DYNC2LI1: variants seen among roughly 807,000 people sequenced by gnomAD.
DYNC2LI1 encodes the protein dynein cytoplasmic 2 light intermediate chain 1, also known as cytoplasmic dynein 2 light intermediate chain 1.
Under a neutral mutation model 51.9 loss-of-function variants are expected in DYNC2LI1, and 45 were observed. The observed-to-expected ratio is 0.87, with a 90% CI of 0.68 to 1.11. The LOEUF is 1.11. DYNC2LI1 is among the 50% of genes most tolerant of loss of function. The pLI, the probability that DYNC2LI1 is intolerant of heterozygous loss-of-function variation, is 0.00. For synonymous variants in DYNC2LI1, 130 were observed against 137.8 expected, an observed-to-expected ratio of 0.94 and a Z score of 0.40; for missense variants, 490 against 417.4, an observed-to-expected ratio of 1.17 and a Z score of -1.51.
chr2:43,792,463 T>C (rs576156992), intron 5 of DYNC2LI1, among the ~76,000 whole-genome samples: 22 of 152,338 alleles, frequency 1.4e-4, no homozygotes, highest in African/African-American at 2.4e-4. Context: ...TACATACTTA[T>C]TATAACCATT....
intron 11 of DYNC2LI1, among the ~76,000 whole-genome samples, 171 bp downstream of exon 11, chr2:43,804,910 A>AG (rs1666194642): frequency 6.6e-6 from 1 of 151,930 alleles, no homozygotes; most frequent in African/African-American, 2.4e-5. Context: ...AAAAAAAAAA[A>AG]AGGTAAGACA....
the DYNC2LI1 span, among the ~76,000 whole-genome samples, chr2:43,818,264 C>A: frequency 6.6e-6 from 1 of 151,984 alleles, no homozygotes; most frequent in Non-Finnish European, 1.5e-5. Context: ...GCCAACATGG[C>A]GAAACCCCAT....
chr2:43,813,527 A>T (rs1177020787), downstream of DYNC2LI1, among the ~76,000 whole-genome samples: 2 of 152,070 alleles, frequency 1.3e-5, no homozygotes, highest in African/African-American at 4.8e-5. Context: ...GTATAGATTC[A>T]TTACCATATT....
At chr2:43,813,300 T>G, downstream of DYNC2LI1, 1 of 1,612,226 alleles carries the variant, frequency 6.2e-7, no homozygotes, top group East Asian at 2.2e-5. Context: ...CACAGAAACA[T>G]TTGAGCTGCC....
chr2:43,785,999 A>T (rs1572700975), intron 3 of DYNC2LI1, among the ~76,000 whole-genome samples: 1 of 152,296 alleles, frequency 6.6e-6, no homozygotes, highest in East Asian at 1.9e-4. Flanking sequence ...AATTAAATAT[A>T]TATACACCAT....
At chr2:43,792,914 TG>T in intron 5 of DYNC2LI1, 1 of 1,155,166 alleles carries the variant, frequency 8.7e-7, no homozygotes, top group Non-Finnish European at 1.1e-6. Context: ...GCAGAACATT[TG>T]GGTTGTTTTC....
chr2:43,822,775 G>A, the DYNC2LI1 span: 4 of 1,614,046 alleles, frequency 2.5e-6, no homozygotes, highest in African/African-American at 1.3e-5. Context: ...CCCGGCCCTG[G>A]GTGAACTGAA....
the DYNC2LI1 span, chr2:43,827,918 A>G: frequency 1.2e-6 from 2 of 1,606,378 alleles, no homozygotes; most frequent in South Asian, 1.1e-5. Context: ...AAAGGGCCCA[A>G]AGTATCTGCA....
Position 43,789,663 on chromosome 2 carries a change from G to A in DYNC2LI1, c.262G>A (p.Gly88Ser), listed in dbSNP as rs374265551. 14 of 1,613,604 alleles carry A rather than the reference G, an allele frequency of 8.7e-6. No individual in the cohort carries two copies. Among genetic ancestry groups the A allele is most frequent in the Admixed American group, 6.7e-5 (4 of 59,950 alleles). ...AGATATCGCTCACTTTTGGGAACTC[G>A]GTGGAGGAACCTCTTTATTGGACTT... ...PKDIAHFWEL[G>S]GGTSLLDLIS... Residue 88 changes from glycine (G) to serine (S), a missense_variant, in exon 5 of 13, where the codon GGT becomes AGT. Transcript: ENST00000260605.
At chr2:43,815,790 TG>T in the DYNC2LI1 span, among the ~76,000 whole-genome samples, 268 of 151,572 alleles carry the variant, frequency 1.8e-3, no homozygotes, top group African/African-American at 6.2e-3. Context: ...GGCCTTGCTG[TG>T]AGTTGAGGTT....
At chr2:43,823,652 ACTC>A in the DYNC2LI1 span, among the ~76,000 whole-genome samples, 1 of 149,366 alleles carries the variant, frequency 6.7e-6, no homozygotes, top group African/African-American at 2.5e-5. Context: ...CTTTTGAAAA[ACTC>A]CTCAAACTCT....
chr2:43,782,751 G>A (rs1673350047), intron 2 of DYNC2LI1, among the ~76,000 whole-genome samples: 1 of 152,124 alleles, frequency 6.6e-6, no homozygotes, highest in Admixed American at 6.5e-5. Flanking sequence ...AGAGGCTGAG[G>A]TGGGCAGATT....
At chr2:43,824,159 G>C in the DYNC2LI1 span, 1 of 1,614,088 alleles carries the variant, frequency 6.2e-7, no homozygotes, top group Non-Finnish European at 8.5e-7. Flanking sequence ...TTTCAGAATT[G>C]TTATTGGGGG....
chr2:43,804,659 G>A lies in DYNC2LI1; in HGVS notation c.820G>A (p.Glu274Lys), dbSNP rs1666182281. 5 of 1,604,386 alleles carry A rather than the reference G, an allele frequency of 3.1e-6. No homozygotes were observed. In the African/African-American group the frequency reaches 6.7e-5, roughly 22 times the overall value. Reference protein sequence around the residue: ...FGQIGSPPVPENDIGKLHAHS... With the variant: ...FGQIGSPPVPKNDIGKLHAHS... ...TATTTTAGGATCTCCTCCTGTTCCT[G>A]AAAATGACATTGGAAAGCTTCATGC... The change falls in exon 11 of 13, where the codon GAA (glutamate) becomes AAA (lysine). Residue 274 changes from glutamate to lysine, a missense_variant. Transcript: ENST00000260605.
At chr2:43,821,901 T>C in the DYNC2LI1 span, among the ~76,000 whole-genome samples, 1 of 152,050 alleles carries the variant, frequency 6.6e-6, no homozygotes, top group Non-Finnish European at 1.5e-5. Flanking sequence ...CACCCCATCT[T>C]TGAAAGTGTG....
chr2:43,821,879 CCT>C, the DYNC2LI1 span, among the ~76,000 whole-genome samples: 2 of 151,856 alleles, frequency 1.3e-5, no homozygotes, highest in South Asian at 2.1e-4. Context: ...TCTCTCTCCC[CCT>C]CTCTTCCCGC....
downstream of DYNC2LI1, chr2:43,812,914 AGTT>A: frequency 1.7e-6 from 1 of 579,532 alleles, no homozygotes; most frequent in East Asian, 2.9e-5. Flanking sequence ...TGTCCCTGCA[AGTT>A]GTAAGAGCAA....
At chr2:43,778,456 G>A (rs558098185) in intron 2 of DYNC2LI1, among the ~76,000 whole-genome samples, 12 of 152,164 alleles carry the variant, frequency 7.9e-5, no homozygotes, top group South Asian at 4.1e-4. Context: ...CCCTGGCTAC[G>A]CATTATTTCA....
At chr2:43,809,643 A>T in intron 12 of DYNC2LI1, 62 bp from the exon 13 acceptor site, 1 of 1,183,760 alleles carries the variant, frequency 8.4e-7, no homozygotes, top group Non-Finnish European at 1.2e-6. Context: ...AGGCAGTTTT[A>T]AGGTGCCTCC....
Sources: allele counts gnomAD v4.1 joint callset (sites outside exome capture counted in the v4.1 genomes callset), GRCh38; gene constraint gnomAD v4.1.1; transcripts MANE v1.5; gene names NCBI Gene and HGNC (gene_info 2026-07-23, HGNC 2026-07-21).